Variants in MAGI2 observed in about 807,000 individuals in gnomAD.
MAGI2 encodes the protein membrane associated guanylate kinase, WW and PDZ domain containing 2.
In MAGI2, 35 loss-of-function variants were observed where a neutral mutation model predicts 133.3. The ratio of observed to expected loss-of-function variants is 0.26; its 90% CI spans 0.20 to 0.35. The LOEUF is 0.35. Ranked by LOEUF, MAGI2 falls within the 10% of genes least tolerant of loss-of-function variation. The probability of loss-of-function intolerance (pLI) is 1.00; values close to 1 mark genes in which losing one functional copy is unlikely to be tolerated. For synonymous variants in MAGI2, 729 were observed against 710.6 expected (o/e 1.03, Z -0.41); for missense variants, 1,636 against 1,863.4 (o/e 0.88, Z 2.25).
chr7:78,934,648 A>T (rs1448898199), intron 2 of MAGI2, among the ~76,000 whole-genome samples: 1 of 152,128 alleles, frequency 6.6e-6, no homozygotes, highest in African/African-American at 2.4e-5. Context: ...TTCAGGATGT[A>T]TATAAGGTAT....
intron 2 of MAGI2, among the ~76,000 whole-genome samples, chr7:78,671,797 T>C (rs1340210535): frequency 6.6e-6 from 1 of 152,162 alleles, no homozygotes; most frequent in Admixed American, 6.6e-5. Flanking sequence ...ACCAAGTCTG[T>C]GATTATTTAA....
chr7:78,282,749 C>A (rs1455384510), intron 9 of MAGI2, among the ~76,000 whole-genome samples: 1 of 151,842 alleles, frequency 6.6e-6, no homozygotes, highest in Non-Finnish European at 1.5e-5. Context: ...ACTGATCAAT[C>A]TGGATTAAGA....
chr7:78,454,910 G>A (rs1008064481), intron 6 of MAGI2, among the ~76,000 whole-genome samples: 1 of 152,144 alleles, frequency 6.6e-6, no homozygotes, highest in African/African-American at 2.4e-5. Flanking sequence ...GTTGGAAAGG[G>A]AGAAGGGATG....
intron 2 of MAGI2, among the ~76,000 whole-genome samples, chr7:78,747,358 A>C (rs1823018242): frequency 6.6e-6 from 1 of 152,182 alleles, no homozygotes; most frequent in Non-Finnish European, 1.5e-5. Context: ...CATATAAGAA[A>C]TGCATTATTT....
At chr7:79,056,791 A>G (rs949425174) in intron 1 of MAGI2, among the ~76,000 whole-genome samples, 2 of 152,258 alleles carry the variant, frequency 1.3e-5, no homozygotes, top group African/African-American at 2.4e-5. Flanking sequence ...AATACTTCAC[A>G]GACAAAAATA....
intron 21 of MAGI2, among the ~76,000 whole-genome samples, chr7:78,058,003 A>ATATGTGTGTGTGTGTGTGTGTG: frequency 2.6e-5 from 3 of 117,052 alleles, no homozygotes; most frequent in East Asian, 2.3e-4. Flanking sequence ...ATATATATAT[A>ATATGTGTGTGTGTGTGTGTGTG]TGTATGAGAA....
intron 1 of MAGI2, among the ~76,000 whole-genome samples, chr7:79,018,050 G>C (rs1435445337): frequency 1.3e-5 from 2 of 152,148 alleles, no homozygotes; most frequent in African/African-American, 2.4e-5. Flanking sequence ...AATTTTGCTA[G>C]AGAGGTCAAC....
chr7:78,388,446 A>G (rs529288531), intron 6 of MAGI2, among the ~76,000 whole-genome samples: 1 of 152,346 alleles, frequency 6.6e-6, no homozygotes, highest in African/African-American at 2.4e-5. Flanking sequence ...AATTGTTGAA[A>G]GAAAAAGGCT....
intron 2 of MAGI2, among the ~76,000 whole-genome samples, chr7:78,950,826 T>G (rs191282174): frequency 1.3e-5 from 2 of 152,300 alleles, no homozygotes; most frequent in Non-Finnish European, 2.9e-5. Flanking sequence ...GAAAACTTTT[T>G]ATTAAAATTT....
At chr7:79,099,642 A>T (rs1157962231) in intron 1 of MAGI2, among the ~76,000 whole-genome samples, 1 of 151,960 alleles carries the variant, frequency 6.6e-6, no homozygotes, top group African/African-American at 2.4e-5. Context: ...TTCACCCTTA[A>T]GTAGGTCCCA....
intron 1 of MAGI2, among the ~76,000 whole-genome samples, chr7:79,065,704 T>C (rs28498271): frequency 0.77 from 117,198 of 151,982 alleles, 46,305 homozygotes; most frequent in Non-Finnish European, 0.86. Flanking sequence ...AATGCTATCC[T>C]TCCCCTAGCC....
chr7:79,049,166 G>A lies in MAGI2; in HGVS notation c.302-41960C>T, dbSNP rs182119324. Among the ~76,000 whole-genome samples, 280 of 152,162 alleles carry A rather than the reference G, an allele frequency of 1.8e-3. 1 individual carries two copies. The highest frequency in any genetic ancestry group is 6.8e-3 in the Middle Eastern group (2 of 294). On this transcript the variant is annotated intron_variant, in intron 1 of 21. Coordinates refer to ENST00000354212, the MANE Select transcript of MAGI2 (RefSeq NM_012301.4). ...AAAAAATGACATGATTAAAAGTGTG[G>A]ATAAATGGAAAATTTGAGAATTCAG...
At chr7:79,392,932 A>G (rs1844776607) in intron 1 of MAGI2, among the ~76,000 whole-genome samples, 1 of 152,176 alleles carries the variant, frequency 6.6e-6, no homozygotes, top group Admixed American at 6.5e-5. Context: ...AATGATTTTA[A>G]CACTCACGTA....
intron 1 of MAGI2, among the ~76,000 whole-genome samples, chr7:79,210,478 T>C (rs1375498034): frequency 2.6e-5 from 4 of 152,058 alleles, no homozygotes; most frequent in Admixed American, 2.6e-4. Context: ...TGTGTGATTT[T>C]ATGTTAAGGC....
chr7:78,506,449 A>C (rs1216035662), intron 4 of MAGI2, among the ~76,000 whole-genome samples: 4 of 152,204 alleles, frequency 2.6e-5, no homozygotes, highest in African/African-American at 9.6e-5. Context: ...GAGTAAATGA[A>C]ATTGCCAAGA....
chr7:79,422,582 C>A (rs1438984512), intron 1 of MAGI2, among the ~76,000 whole-genome samples: 1 of 151,978 alleles, frequency 6.6e-6, no homozygotes, highest in Non-Finnish European at 1.5e-5. Flanking sequence ...AAATAAAATT[C>A]AGTCAGATTT....
intron 9 of MAGI2, among the ~76,000 whole-genome samples, chr7:78,286,546 C>T (rs62463891): frequency 0.055 from 8,307 of 152,130 alleles, 279 homozygotes; most frequent in South Asian, 0.12. Context: ...AGAGGCATTC[C>T]TTCTATCTTG....
chr7:79,248,079 G>A (rs1832951165), intron 1 of MAGI2, among the ~76,000 whole-genome samples: 1 of 151,994 alleles, frequency 6.6e-6, no homozygotes, highest in African/African-American at 2.4e-5. Context: ...TAGCTGAGTG[G>A]ATGAAGAAAA....
At chr7:78,817,740 T>C (rs1789728053) in intron 2 of MAGI2, among the ~76,000 whole-genome samples, 1 of 151,828 alleles carries the variant, frequency 6.6e-6, no homozygotes, top group South Asian at 2.1e-4. Context: ...GCTGGAGTTG[T>C]ATTCTGTAGC....
Sources: allele counts gnomAD v4.1 joint callset (sites outside exome capture counted in the v4.1 genomes callset), GRCh38; gene constraint gnomAD v4.1.1; transcripts MANE v1.5; gene names NCBI Gene and HGNC (gene_info 2026-07-23, HGNC 2026-07-21).